Variants in CDH18 observed in about 807,000 individuals in gnomAD.
CDH18 encodes cadherin-18.
In CDH18, 31 loss-of-function variants were observed where a neutral mutation model predicts 67.9. That is an observed-to-expected ratio of 0.46 (90% CI 0.34 to 0.62). The LOEUF (loss-of-function observed/expected upper bound fraction) is 0.62. Ranked by LOEUF, CDH18 falls within the 20% of genes least tolerant of loss-of-function variation. The pLI is 0.01. For synonymous variants in CDH18, 362 were observed against 347.2 expected, an observed-to-expected ratio of 1.04 and a Z score of -0.48; for missense variants, 890 against 975.5, an observed-to-expected ratio of 0.91 and a Z score of 1.17.
intron 2 of CDH18, among the ~76,000 whole-genome samples, chr5:20,096,698 A>G (rs1405693030): frequency 1.3e-5 from 2 of 152,148 alleles, no homozygotes; most frequent in Non-Finnish European, 2.9e-5. Flanking sequence ...CTGCTAAAAA[A>G]TGGTCTGCCT....
chr5:20,152,584 G>C (rs1751210518), intron 2 of CDH18, among the ~76,000 whole-genome samples: 1 of 151,934 alleles, frequency 6.6e-6, no homozygotes, highest in Non-Finnish European at 1.5e-5. Context: ...GTTAAAAGAA[G>C]ATAAGAAGTT....
At chr5:19,817,272 G>A (rs1779390409) in intron 3 of CDH18, among the ~76,000 whole-genome samples, 1 of 151,842 alleles carries the variant, frequency 6.6e-6, no homozygotes, top group Admixed American at 6.6e-5. Context: ...CACATCATTG[G>A]CAAAGGGAGA....
chr5:19,586,761 C>T (rs566748078), intron 7 of CDH18, among the ~76,000 whole-genome samples: 198 of 152,262 alleles, frequency 1.3e-3, no homozygotes, highest in African/African-American at 4.5e-3. Flanking sequence ...AGTTCTGCCT[C>T]TAGGTCTTTG....
chr5:20,269,878 GAAAGGAGAT>G (rs1195971250), intron 1 of CDH18, among the ~76,000 whole-genome samples: 22 of 151,948 alleles, frequency 1.4e-4, no homozygotes. Flanking sequence ...TATACAAATG[GAAAGGAGAT>G]AAAGAAAATG....
At chr5:19,658,805 C>A (rs1392305167) in intron 5 of CDH18, among the ~76,000 whole-genome samples, 1 of 151,978 alleles carries the variant, frequency 6.6e-6, no homozygotes, top group East Asian at 1.9e-4. Context: ...CTCCCCACTT[C>A]GCCCACCCCA....
At chr5:19,796,277 A>G (rs1295201386) in intron 3 of CDH18, among the ~76,000 whole-genome samples, 1 of 152,162 alleles carries the variant, frequency 6.6e-6, no homozygotes, top group East Asian at 1.9e-4. Context: ...GATTTAACAT[A>G]ATTAATCCTT....
At chr5:19,513,052 TTA>T (rs1288496120) in intron 10 of CDH18, among the ~76,000 whole-genome samples, 2 of 152,002 alleles carry the variant, frequency 1.3e-5, no homozygotes, top group African/African-American at 4.8e-5. Flanking sequence ...AGGTTTTTAT[TTA>T]TATATTTAAT....
chr5:20,338,790 G>A (rs748308015), intron 1 of CDH18, among the ~76,000 whole-genome samples: 2 of 152,176 alleles, frequency 1.3e-5, no homozygotes, highest in Non-Finnish European at 2.9e-5. Flanking sequence ...CCCTTCCATT[G>A]AGGTTTTTGG....
chr5:19,542,376 G>A (rs1305527420), intron 9 of CDH18, among the ~76,000 whole-genome samples: 2 of 152,160 alleles, frequency 1.3e-5, no homozygotes, highest in Non-Finnish European at 2.9e-5. Flanking sequence ...AGTTCATCAA[G>A]TGGCTACACA....
intron 1 of CDH18, among the ~76,000 whole-genome samples, chr5:20,349,230 T>A (rs1740958835): frequency 6.6e-6 from 1 of 152,254 alleles, no homozygotes; most frequent in East Asian, 1.9e-4. Context: ...ATTGTGGAAA[T>A]TTTAGGCATT....
At chr5:20,557,908 TGTTATAGTTATATAACATTTAA>T (rs1757995190) in intron 1 of CDH18, among the ~76,000 whole-genome samples, 2 of 71,784 alleles carry the variant, frequency 2.8e-5, no homozygotes, top group Admixed American at 1.8e-4. Context: ...TAACATTTAA[TGTTATAGTTATATAACATTTAA>T]TGTTATAGTT....
intron 1 of CDH18, among the ~76,000 whole-genome samples, chr5:20,326,537 CTTT>C (rs372636215): frequency 7.5e-6 from 1 of 134,116 alleles, no homozygotes. Flanking sequence ...AACATATTTA[CTTT>C]TTTTTTTTTT....
At chr5:20,214,310 C>T (rs147870913) in intron 2 of CDH18, among the ~76,000 whole-genome samples, 2 of 151,948 alleles carry the variant, frequency 1.3e-5, no homozygotes, top group Non-Finnish European at 2.9e-5. Context: ...TATCAAGCTA[C>T]CAATGACATT....
chr5:20,560,627 C>G (rs1758155857), intron 1 of CDH18, among the ~76,000 whole-genome samples: 1 of 151,972 alleles, frequency 6.6e-6, no homozygotes, highest in African/African-American at 2.4e-5. Context: ...ATCAGCTTCT[C>G]CTAGTTAGAA....
intron 2 of CDH18, among the ~76,000 whole-genome samples, chr5:20,038,640 A>G (rs1366127804): frequency 6.6e-6 from 1 of 152,194 alleles, no homozygotes; most frequent in Non-Finnish European, 1.5e-5. Flanking sequence ...ATAAAATTCA[A>G]CACCCCTTTC....
chr5:20,149,335 T>C (rs1750917678), intron 2 of CDH18, among the ~76,000 whole-genome samples: 1 of 152,198 alleles, frequency 6.6e-6, no homozygotes, highest in Admixed American at 6.5e-5. Flanking sequence ...TTCTGCATTA[T>C]TTGACATTTC....
intron 5 of CDH18, among the ~76,000 whole-genome samples, chr5:19,660,373 T>A (rs1440534065): frequency 6.6e-6 from 1 of 152,146 alleles, no homozygotes; most frequent in Non-Finnish European, 1.5e-5. Flanking sequence ...ATAATAAAGA[T>A]GCTGAATAGG....
chr5:19,703,540 G>A (rs1763548373), intron 5 of CDH18, among the ~76,000 whole-genome samples: 1 of 152,088 alleles, frequency 6.6e-6, no homozygotes, highest in South Asian at 2.1e-4. Flanking sequence ...AAAAAGGGTG[G>A]CCTGACCCTC....
At chr5:19,945,482 T>A (rs1428826166) in intron 2 of CDH18, among the ~76,000 whole-genome samples, 1 of 152,068 alleles carries the variant, frequency 6.6e-6, no homozygotes, top group Non-Finnish European at 1.5e-5. Flanking sequence ...AAACCTGTCA[T>A]CATAGCAGGG....
Sources: allele counts gnomAD v4.1 joint callset (sites outside exome capture counted in the v4.1 genomes callset), GRCh38; gene constraint gnomAD v4.1.1; transcripts MANE v1.5; gene names NCBI Gene and HGNC (gene_info 2026-07-23, HGNC 2026-07-21).